Variants in CARMIL1 observed in about 807,000 individuals in gnomAD.
CARMIL1 encodes F-actin-uncapping protein LRRC16A.
CARMIL1 carries 90 observed loss-of-function variants against 177.1 expected under a neutral mutation model. The ratio of observed to expected loss-of-function variants is 0.51; its 90% CI spans 0.43 to 0.61. The LOEUF (loss-of-function observed/expected upper bound fraction) is 0.61, where lower values mean the gene tolerates loss of function less well. Among genes scored for constraint, CARMIL1 ranks in the 20% least tolerant of loss-of-function variants. CARMIL1 has a pLI of 0.00. For missense variants in CARMIL1, 1,380 were observed against 1,667.0 expected (o/e 0.83, Z 3.00); for synonymous variants, 577 against 606.2 (o/e 0.95, Z 0.71).
chr6:25,300,218 A>C (rs565467418), intron 2 of CARMIL1, among the ~76,000 whole-genome samples: 2 of 152,348 alleles, frequency 1.3e-5, no homozygotes, highest in South Asian at 4.1e-4. Flanking sequence ...TATTTTTGAA[A>C]TATTTAGATA....
intron 23 of CARMIL1, chr6:25,527,575 A>T (rs891170640): frequency 1.4e-5 from 5 of 353,382 alleles, no homozygotes; most frequent in African/African-American, 1.1e-4. Flanking sequence ...TTTTGCATTG[A>T]TAGTCATGTC....
Position 25,586,133 on chromosome 6 carries a change from G to A in CARMIL1, c.3006+4694G>A, listed in dbSNP as rs368313913. 4.9e-4 allele frequency among the ~76,000 whole-genome samples: 73 copies of A among 150,162 alleles called. 2 individuals carry two copies. The highest frequency in any genetic ancestry group is 1.8e-3 in the African/African-American group (72 of 39,856). On this transcript the variant is annotated intron_variant, in intron 31 of 36. Coordinates refer to ENST00000329474, the MANE Select transcript of CARMIL1 (RefSeq NM_017640.6). ...TCCCTAACGGGACGGCTGGCCGGGC[G>A]GGGGGTTGCCCCCCACCTCCCAGAC...
chr6:25,467,772 A>T (rs920839904), intron 9 of CARMIL1, among the ~76,000 whole-genome samples: 1 of 152,210 alleles, frequency 6.6e-6, no homozygotes, highest in African/African-American at 2.4e-5. Context: ...TGAGATTTAA[A>T]CACAAAAATA....
chr6:25,474,651 T>C (rs1801377803), intron 11 of CARMIL1, among the ~76,000 whole-genome samples: 1 of 152,240 alleles, frequency 6.6e-6, no homozygotes, highest in South Asian at 2.1e-4. Flanking sequence ...CTGAAATTAA[T>C]GGACGCATAG....
At chr6:25,405,436 C>T (rs1794275353) in intron 2 of CARMIL1, among the ~76,000 whole-genome samples, 2 of 152,182 alleles carry the variant, frequency 1.3e-5, no homozygotes, top group African/African-American at 4.8e-5. Flanking sequence ...CCCTGTAGTC[C>T]TGTTGGCACA....
chr6:25,414,374 C>T (rs570535824), intron 2 of CARMIL1, among the ~76,000 whole-genome samples: 4 of 152,264 alleles, frequency 2.6e-5, no homozygotes, highest in South Asian at 2.1e-4. Flanking sequence ...GAGTTGGTCA[C>T]CCTACAAGCA....
At chr6:25,545,592 T>C (rs929885811) in intron 26 of CARMIL1, among the ~76,000 whole-genome samples, 1 of 152,208 alleles carries the variant, frequency 6.6e-6, no homozygotes, top group Non-Finnish European at 1.5e-5. Flanking sequence ...CTAATGCAGC[T>C]ATTCAATCAG....
At chr6:25,562,579 T>C (rs543560952) in intron 29 of CARMIL1, among the ~76,000 whole-genome samples, 2 of 152,308 alleles carry the variant, frequency 1.3e-5, no homozygotes, top group East Asian at 3.9e-4. Context: ...AAACAAGGCC[T>C]AAGGTACAGT....
intron 35 of CARMIL1, among the ~76,000 whole-genome samples, chr6:25,608,849 A>G (rs1214768507): frequency 6.6e-6 from 1 of 152,214 alleles, no homozygotes; most frequent in Non-Finnish European, 1.5e-5. Context: ...ACGCCAACTT[A>G]AGAACCACCT....
chr6:25,450,448 T>G (rs758422625), intron 7 of CARMIL1, 39 bp downstream of exon 7: 142 of 1,481,552 alleles, frequency 9.6e-5, no homozygotes, highest in Non-Finnish European at 1.3e-4. Context: ...GCACACACAC[T>G]CCTGGAGAAT....
intron 2 of CARMIL1, among the ~76,000 whole-genome samples, chr6:25,285,426 A>G (rs939608077): frequency 6.6e-6 from 1 of 152,214 alleles, no homozygotes; most frequent in Non-Finnish European, 1.5e-5. Context: ...TGAAGGCAGT[A>G]TCTGCTAGTG....
chr6:25,413,146 C>T (rs558577622), intron 2 of CARMIL1, among the ~76,000 whole-genome samples: 2 of 119,600 alleles, frequency 1.7e-5, no homozygotes, highest in African/African-American at 5.3e-5. Context: ...CCTTCTCCCT[C>T]ACCTAGGTAT....
At position 25,526,865 on chromosome 6, in the gene CARMIL1, T is replaced by G. The variant is rs145299008; in HGVS notation, c.1969-1930T>G. Among the ~76,000 whole-genome samples, 27 of 152,288 alleles carry G rather than the reference T, an allele frequency of 1.8e-4. No homozygotes were observed. The East Asian group carries it at 5.2e-3, about 29-fold the overall frequency. ...CCACACCCAGCCTATTGGGTTTTTT[T>G]GTAAAATTGCTGTGTTCTTACATAT... On this transcript the variant is annotated intron_variant, in intron 23 of 36. Transcript: ENST00000329474.
chr6:25,588,205 G>A (rs1416214610), intron 31 of CARMIL1, among the ~76,000 whole-genome samples: 1 of 152,128 alleles, frequency 6.6e-6, no homozygotes, highest in Admixed American at 6.5e-5. Context: ...AAGCGTCCTG[G>A]AACCAGTCCC....
At chr6:25,580,051 A>G (rs1220219858) in intron 29 of CARMIL1, among the ~76,000 whole-genome samples, 2 of 152,168 alleles carry the variant, frequency 1.3e-5, no homozygotes, top group Non-Finnish European at 2.9e-5. Context: ...CCATCTCTAT[A>G]TGGGTCATGA....
chr6:25,583,334 G>C (rs1813304832), intron 31 of CARMIL1, among the ~76,000 whole-genome samples: 1 of 152,204 alleles, frequency 6.6e-6, no homozygotes. Context: ...CACAGCCTGA[G>C]CAACTCTCCA....
chr6:25,562,246 C>CT (rs1201652881), intron 29 of CARMIL1, among the ~76,000 whole-genome samples: 402 of 142,476 alleles, frequency 2.8e-3, no homozygotes, highest in Middle Eastern at 7.1e-3. Context: ...ACCCAGATAT[C>CT]TTTTTTTTTT....
At chr6:25,333,487 G>T (rs1486373415) in intron 2 of CARMIL1, among the ~76,000 whole-genome samples, 3 of 152,184 alleles carry the variant, frequency 2.0e-5, no homozygotes, top group Non-Finnish European at 2.9e-5. Context: ...CATCGCTTGA[G>T]CCTGGAAGGT....
Position 25,515,512 on chromosome 6 carries a change from G to T in CARMIL1, c.1633-163G>T, listed in dbSNP as rs921875907. 6.6e-6 allele frequency among the ~76,000 whole-genome samples: 1 copy of T among 152,140 alleles called. No homozygotes were observed. Among genetic ancestry groups the T allele is most frequent in the Non-Finnish European group, 1.5e-5 (1 of 68,034 alleles). The stretch of plus-strand genomic sequence containing the variant: ...CTTTGACTCCAGCGGTCCATTTTGT[G>T]CCAGAACCTTAAGTTTCTATCCACG... On this transcript the variant is annotated intron_variant, in intron 20 of 36. Coordinates refer to ENST00000329474, the MANE Select transcript of CARMIL1 (RefSeq NM_017640.6). The surrounding 1 kb of genome is among the most constrained non-coding windows in gnomAD (Gnocchi z 5.0).
Sources: gnomAD v4.1 joint callset for allele counts (sites outside exome capture counted in the v4.1 genomes callset) on GRCh38, gnomAD v4.1.1 for gene constraint, Gnocchi (gnomAD v3.1) non-coding constraint, MANE v1.5 for transcripts, NCBI Gene and HGNC (gene_info 2026-07-23, HGNC 2026-07-21) for gene names.